Variants in NADSYN1 observed in about 807,000 individuals in gnomAD.
The protein encoded by NADSYN1 is NAD synthetase 1, also known as glutamine-dependent NAD(+) synthetase.
In NADSYN1, 80 loss-of-function variants were observed where a neutral mutation model predicts 99.3. The ratio of observed to expected loss-of-function variants is 0.81; its 90% CI spans 0.67 to 0.97. The LOEUF is 0.97. NADSYN1 is among the 50% of genes least tolerant of loss of function. The pLI is 0.00. For missense variants in NADSYN1, 859 were observed against 948.5 expected (o/e 0.91, Z 1.24); for synonymous variants, 385 against 372.1 (o/e 1.03, Z -0.40).
intron 18 of NADSYN1, chr11:71,497,234 C>T (rs541802353): frequency 3.3e-5 from 16 of 479,624 alleles, no homozygotes; most frequent in African/African-American, 1.2e-4. Context: ...CAGACATGAG[C>T]GCTCCTTGGT....
In NADSYN1 at chr11:71,475,828, G is replaced by A. The variant is rs147578879; in HGVS notation, c.798+1302G>A. ...CCCATGTTAAAGCAATTCTGCCTCA[G>A]CCTCCCAAGTAGCTGGGACTACAGA... On this transcript the variant is annotated intron_variant, in intron 9 of 20. Transcript: ENST00000319023. Among the ~76,000 whole-genome samples, 1,365 of 152,200 alleles carry A rather than the reference G, an allele frequency of 9.0e-3. 21 individuals are homozygous for A. Among genetic ancestry groups the A allele is most frequent in the African/African-American group, 0.031 (1,298 of 41,516 alleles).
chr11:71,484,272 G>A lies in NADSYN1; in HGVS notation c.1320-40G>A, dbSNP rs753259022. On this transcript the variant is annotated intron_variant, in intron 14 of 20. Coordinates refer to ENST00000319023, the MANE Select transcript of NADSYN1 (RefSeq NM_018161.5). ...CTCATGCGCACACACATGCACACAC[G>A]TGCACATGCTGCCTTCAACGCCTAT... 28 of 1,603,666 alleles carry A rather than the reference G, an allele frequency of 1.7e-5. No individual in the cohort carries two copies. In the Admixed American group the frequency reaches 4.0e-4, roughly 23 times the overall value.
At chr11:71,489,870 A>T (rs1470870964) in intron 16 of NADSYN1, among the ~76,000 whole-genome samples, 3 of 152,190 alleles carry the variant, frequency 2.0e-5, no homozygotes, top group Non-Finnish European at 2.9e-5. Flanking sequence ...CATTGAGGGA[A>T]TTCAGACTGT....
chr11:71,496,585 A>C (rs1258672796), intron 18 of NADSYN1: 2 of 152,288 alleles, frequency 1.3e-5, no homozygotes, highest in Non-Finnish European at 2.9e-5. Context: ...GTACCTATCC[A>C]TGGCCTGGGG....
intron 18 of NADSYN1, among the ~76,000 whole-genome samples, chr11:71,492,136 G>C (rs1289245781): frequency 6.6e-6 from 1 of 152,208 alleles, no homozygotes; most frequent in East Asian, 1.9e-4. Context: ...GGAGGGGAGG[G>C]AGAGCAGATG....
chr11:71,487,465 A>G (rs61885923), intron 16 of NADSYN1, among the ~76,000 whole-genome samples: 3,727 of 152,328 alleles, frequency 0.024, 71 homozygotes, highest in Non-Finnish European at 0.041. Context: ...AAATGTTAAC[A>G]AAGAAACAAG....
At position 71,498,429 on chromosome 11, in the gene NADSYN1, C is replaced by A; in HGVS notation, c.1971C>A (p.Tyr657Ter). 3.7e-6 allele frequency: 6 copies of A among 1,614,224 alleles called. No homozygotes were observed. The highest frequency in any genetic ancestry group is 5.1e-6 in the Non-Finnish European group (6 of 1,180,034). Reference sequence around the variant, plus strand: ...AGATGACCACGCTCACACCCGCGTACCACGCCGAGAACTACAGCCCTGAGG... The same window carrying A: ...AGATGACCACGCTCACACCCGCGTAACACGCCGAGAACTACAGCCCTGAGG... Reference protein sequence around the residue: ...RHKMTTLTPAYHAENYSPEDN... With the variant: ...RHKMTTLTPA Residue 657 changes from tyrosine (Y) to a stop codon, truncating the protein, a stop_gained, in exon 20 of 21, where the codon TAC (tyrosine) becomes TAA (stop). Coordinates refer to ENST00000319023, the MANE Select transcript of NADSYN1 (RefSeq NM_018161.5). LOFTEE classifies it high-confidence loss of function.
At chr11:71,473,787 G>T in intron 8 of NADSYN1, 101 bp downstream of exon 8, 1 of 854,644 alleles carries the variant, frequency 1.2e-6, no homozygotes, top group Non-Finnish European at 1.9e-6. Flanking sequence ...CACACACAAT[G>T]GATGTTCCAG....
In NADSYN1 at chr11:71,453,294, A is replaced by G. The variant is rs987342696; in HGVS notation, c.-3A>G. ...GCCTCCTGCCCAAGCGACTGCGGCC[A>G]GGATGGGCCGGAAGGTGACCGTGGC... On this transcript the variant is annotated 5_prime_UTR_variant, in exon 1 of 21. Coordinates refer to ENST00000319023, the MANE Select transcript of NADSYN1 (RefSeq NM_018161.5). The G allele has an allele frequency of 6.2e-7, 1 of 1,613,182 alleles. No individual in the cohort carries two copies. The highest frequency in any genetic ancestry group is 8.5e-7 in the Non-Finnish European group (1 of 1,179,556).
At chr11:71,456,403 G>T (rs12785878) in intron 2 of NADSYN1, among the ~76,000 whole-genome samples, 81,401 of 152,022 alleles carry the variant, frequency 0.54, 25,588 homozygotes, top group Non-Finnish European at 0.74. Flanking sequence ...ACAAAGCTTC[G>T]ATCCTCTCCT....
In NADSYN1 at chr11:71,491,830, G is replaced by A. The variant is rs1591135714; in HGVS notation, c.1695-4G>A. The A allele has an allele frequency of 1.2e-6, 2 of 1,613,840 alleles. No individual in the cohort carries two copies. Among genetic ancestry groups the A allele is most frequent in the Admixed American group, 3.3e-5 (2 of 60,008 alleles). On this transcript the variant is annotated splice_region_variant and splice_polypyrimidine_tract_variant and intron_variant, in intron 17 of 20. Coordinates refer to ENST00000319023, the MANE Select transcript of NADSYN1 (RefSeq NM_018161.5). Reference sequence around the variant, plus strand: ...TGACCGACCTCTGTGTGTTTTGGCTGCAGCATCCTGTTGGCGCCGGCCACC... The same window carrying A: ...TGACCGACCTCTGTGTGTTTTGGCTACAGCATCCTGTTGGCGCCGGCCACC...
intron 18 of NADSYN1, among the ~76,000 whole-genome samples, chr11:71,492,351 C>G (rs1052246750): frequency 1.3e-4 from 20 of 152,222 alleles, no homozygotes; most frequent in African/African-American, 4.8e-4. Context: ...ACTCCAGCCT[C>G]TTAGGTCACC....
At position 71,485,669 on chromosome 11, in the gene NADSYN1, C is replaced by T. The variant is rs562641327; in HGVS notation, c.1562+21C>T. On this transcript the variant is annotated intron_variant, in intron 16 of 20. Coordinates refer to ENST00000319023, the MANE Select transcript of NADSYN1 (RefSeq NM_018161.5). ...GAGAGGTGAGTGTGGCCCAGTGGCA[C>T]GTGGTGGTGGGCCCCTGAACCTCTC... 6.5e-6 allele frequency: 10 copies of T among 1,532,026 alleles called. No individual in the cohort carries two copies. The East Asian group carries it at 7.3e-5, about 11-fold the overall frequency. The allele number at this position is 1,532,026 out of a possible 1,614,324, so 94.9% of individuals were successfully genotyped here.
intron 19 of NADSYN1, 85 bp downstream of exon 19, chr11:71,497,696 T>A: frequency 2.0e-6 from 3 of 1,532,312 alleles, no homozygotes; most frequent in Non-Finnish European, 2.7e-6. Flanking sequence ...TAGGAACAAG[T>A]AGATAACAGT....
At chr11:71,453,530 C>A in intron 1 of NADSYN1, 149 bp downstream of exon 1, 1 of 692,482 alleles carries the variant, frequency 1.4e-6, no homozygotes, top group Non-Finnish European at 2.5e-6. Context: ...GCAATGACCC[C>A]GCCAGTGGTA....
intron 17 of NADSYN1, 84 bp from the exon 18 acceptor site, chr11:71,491,750 G>A: frequency 3.8e-6 from 5 of 1,321,896 alleles, no homozygotes; most frequent in Non-Finnish European, 5.4e-6. Flanking sequence ...AGCGTACTCG[G>A]GAAACTTAGT....
intron 20 of NADSYN1, 80 bp downstream of exon 20, chr11:71,498,608 A>G: frequency 6.6e-7 from 1 of 1,517,496 alleles, no homozygotes; most frequent in South Asian, 1.3e-5. Context: ...GAAGGATTGA[A>G]AAACTTTCTT....
intron 9 of NADSYN1, chr11:71,477,402 A>G (rs1053595753): frequency 5.5e-5 from 71 of 1,289,678 alleles, no homozygotes; most frequent in Non-Finnish European, 6.9e-5. Context: ...AGGATGCGTG[A>G]ATCGGTCTCC....
Position 71,472,599 on chromosome 11 carries a change from T to G in NADSYN1, c.459+99T>G, listed in dbSNP as rs2282619. ...CGGGAACGCTTTGGGATCCAGGTAA[T>G]GGAAGGCACCACAGTGCTCACAGGT... On this transcript the variant is annotated intron_variant, in intron 6 of 20. Coordinates refer to ENST00000319023, the MANE Select transcript of NADSYN1 (RefSeq NM_018161.5). The G allele has an allele frequency of 7.6e-4, 867 of 1,144,284 alleles. 7 individuals carry two copies. In the African/African-American group the frequency reaches 0.012, roughly 16 times the overall value. 70.9% of individuals were successfully genotyped at this position (1,144,284 alleles called of 1,614,324 possible). A position where few individuals can be genotyped will look rare whatever the true frequency, so the allele number is the denominator to read the frequency against.
Sources: allele counts gnomAD v4.1 joint callset (sites outside exome capture counted in the v4.1 genomes callset), GRCh38; gene constraint gnomAD v4.1.1; transcripts MANE v1.5; gene names NCBI Gene and HGNC (gene_info 2026-07-23, HGNC 2026-07-21).